The following HSP90AA1 variants were observed in gnomAD, a reference collection of about 807,000 sequenced individuals.
HSP90AA1 encodes heat shock protein HSP 90-alpha.
HSP90AA1 carries 18 observed loss-of-function variants against 73.3 expected under a neutral mutation model. The ratio of observed to expected loss-of-function variants is 0.25; its 90% CI spans 0.17 to 0.36. HSP90AA1 has a LOEUF of 0.36. Among genes scored for constraint, HSP90AA1 ranks in the 10% least tolerant of loss-of-function variants. HSP90AA1 has a pLI of 1.00. For synonymous variants in HSP90AA1, 477 were observed against 296.9 expected (o/e 1.61, Z -6.24); for missense variants, 704 against 874.2 (o/e 0.81, Z 2.45).
chr14:102,136,938 G>T (rs2050007084), intron 1 of HSP90AA1, among the ~76,000 whole-genome samples: 1 of 151,850 alleles, frequency 6.6e-6, no homozygotes, highest in African/African-American at 2.4e-5. Flanking sequence ...TTGAGGCCGG[G>T]CGCGGTGGCT....
At chr14:102,105,958 C>G (rs572173041) in intron 1 of HSP90AA1, among the ~76,000 whole-genome samples, 8 of 152,222 alleles carry the variant, frequency 5.3e-5, no homozygotes, top group African/African-American at 1.9e-4. Flanking sequence ...CGCCTGTAAT[C>G]CCAGCTGCTC....
At chr14:102,087,153 C>G, upstream of HSP90AA1, 1 of 983,966 alleles carries the variant, frequency 1.0e-6, no homozygotes, top group Non-Finnish European at 1.2e-6. Context: ...CAGCCGCCGC[C>G]GCGGCCGCGC....
At chr14:102,085,571 G>A in intron 3 of HSP90AA1, 140 bp from the exon 4 acceptor site, 9 of 1,189,112 alleles carry the variant, frequency 7.6e-6, no homozygotes, top group South Asian at 1.3e-5. Context: ...AACCTTTTGG[G>A]CAAGGTGCCT....
chr14:102,109,762 G>A (rs1357964862), intron 1 of HSP90AA1, among the ~76,000 whole-genome samples: 1 of 152,196 alleles, frequency 6.6e-6, no homozygotes, highest in African/African-American at 2.4e-5. Context: ...GGTTAGAACA[G>A]TTTGGAGGGC....
At chr14:102,117,425 A>C (rs900797866) in intron 1 of HSP90AA1, among the ~76,000 whole-genome samples, 6 of 150,394 alleles carry the variant, frequency 4.0e-5, no homozygotes, top group Non-Finnish European at 8.9e-5. Flanking sequence ...ATAAAAGCCC[A>C]GGACTCAGCC....
upstream of HSP90AA1, chr14:102,087,057 C>T (rs948914951): frequency 2.0e-6 from 2 of 985,342 alleles, no homozygotes; most frequent in Admixed American, 1.2e-4. Context: ...CGCGCCACCC[C>T]CGCGCCTGCC....
chr14:102,101,475 G>A (rs1274628103), intron 2 of HSP90AA1, among the ~76,000 whole-genome samples: 2 of 152,070 alleles, frequency 1.3e-5, no homozygotes, highest in Non-Finnish European at 2.9e-5. Context: ...GCTTCTTCAC[G>A]CCCCTCCTGC....
At chr14:102,085,195 C>T in intron 4 of HSP90AA1, 103 bp downstream of exon 4, 1 of 1,436,690 alleles carries the variant, frequency 7.0e-7, no homozygotes, top group Non-Finnish European at 9.8e-7. Context: ...TTAGGTTCCC[C>T]AGGCTTCAGA....
chr14:102,086,367 T>C lies in HSP90AA1; in HGVS notation c.12A>G (p.Glu4=). Reference sequence around the variant, plus strand: ...CCATCGGTTGGTCTTGGGTCTGGGTTTCCTCAGGCATCTGGAACGACACCG... The same window carrying C: ...CCATCGGTTGGTCTTGGGTCTGGGTCTCCTCAGGCATCTGGAACGACACCG... MPE[E]TQTQDQPMEE... Residue 4 remains glutamate (E), a synonymous_variant, in exon 2 of 11, where the codon GAA becomes GAG. Coordinates refer to ENST00000216281, the MANE Select transcript of HSP90AA1 (RefSeq NM_005348.4). The C allele has an allele frequency of 6.2e-7, 1 of 1,614,182 alleles. No homozygotes were observed. The highest frequency in any genetic ancestry group is 8.5e-7 in the Non-Finnish European group (1 of 1,180,018).
At position 102,081,731 on chromosome 14, in the gene HSP90AA1, C is replaced by T. The variant is rs778338593; in HGVS notation, c.2180G>A (p.Arg727His). The change falls in exon 11 of 11, where the codon CGC (arginine) becomes CAC (histidine). Residue 727 changes from arginine to histidine, a missense_variant. Transcript: ENST00000216281. ...PPLEGDDDTS[R>H]MEEVD ...CAGAGATTAGTCTACTTCTTCCATG[C>T]GTGATGTGTCGTCATCTCCTTCAAG... is the stretch of plus-strand genomic sequence containing the variant. The T allele has an allele frequency of 1.8e-5, 28 of 1,536,868 alleles. No homozygotes were observed. The highest frequency in any genetic ancestry group is 5.6e-5 in the South Asian group (5 of 89,568).
In HSP90AA1 at chr14:102,100,926, G is replaced by A. The variant is rs74871775; in HGVS notation, c.366+949C>T. 6.3e-3 allele frequency among the ~76,000 whole-genome samples: 965 copies of A among 152,246 alleles called. 10 individuals carry two copies. The highest frequency in any genetic ancestry group is 0.022 in the African/African-American group (920 of 41,550). On this transcript the variant is annotated intron_variant, in intron 2 of 11. Transcript: ENST00000334701. Reference sequence around the variant, plus strand: ...AAAGACGTATAAACTCTGACATGGCGGGACGGGCTCTAATGAAATTCCTGT... The same window carrying A: ...AAAGACGTATAAACTCTGACATGGCAGGACGGGCTCTAATGAAATTCCTGT...
At chr14:102,126,593 C>T (rs926266924) in intron 1 of HSP90AA1, among the ~76,000 whole-genome samples, 5 of 151,992 alleles carry the variant, frequency 3.3e-5, no homozygotes, top group Admixed American at 2.0e-4. Flanking sequence ...GGCGCAACCA[C>T]GACTCACTGC....
intron 1 of HSP90AA1, among the ~76,000 whole-genome samples, chr14:102,114,345 AT>A (rs2152622642): frequency 6.6e-6 from 1 of 152,248 alleles, no homozygotes; most frequent in South Asian, 2.1e-4. Context: ...CTTTTCTCAG[AT>A]GTATGATAAT....
At chr14:102,117,308 A>G (rs757755856) in intron 1 of HSP90AA1, among the ~76,000 whole-genome samples, 2 of 152,116 alleles carry the variant, frequency 1.3e-5, no homozygotes, top group Non-Finnish European at 2.9e-5. Flanking sequence ...GCTGGGGGCC[A>G]GGTTGCCAGT....
At chr14:102,085,168 G>C (rs1470492537) in intron 4 of HSP90AA1, 130 bp downstream of exon 4, 56 of 1,428,604 alleles carry the variant, frequency 3.9e-5, no homozygotes, top group Non-Finnish European at 5.4e-5. Flanking sequence ...AACTTTTACA[G>C]AGTTAGGTAG....
At chr14:102,122,021 C>T (rs1440738529) in intron 1 of HSP90AA1, among the ~76,000 whole-genome samples, 1 of 152,088 alleles carries the variant, frequency 6.6e-6, no homozygotes, top group African/African-American at 2.4e-5. Context: ...AAAAGCTTTC[C>T]TCACTTCAAG....
In HSP90AA1 at chr14:102,081,688, G is replaced by C; in HGVS notation, c.*24C>G. On this transcript the variant is annotated 3_prime_UTR_variant, in exon 11 of 11. Coordinates refer to ENST00000216281, the MANE Select transcript of HSP90AA1 (RefSeq NM_005348.4). ...CAGAGGAATTGTAGAGTACTGAACA[G>C]GTAAGTCATCCCTCAGCCAGAGATT... 1.1e-6 allele frequency: 1 copy of C among 934,432 alleles called. No individual in the cohort carries two copies. The highest frequency in any genetic ancestry group is 1.8e-6 in the Non-Finnish European group (1 of 558,820). The allele number at this position is 934,432 out of a possible 1,614,324, so 57.9% of individuals were successfully genotyped here.
upstream of HSP90AA1, among the ~76,000 whole-genome samples, chr14:102,090,864 T>C (rs2049348060): frequency 6.6e-6 from 1 of 152,220 alleles, no homozygotes; most frequent in Non-Finnish European, 1.5e-5. Flanking sequence ...ATTTTCCTCC[T>C]CTATTTGAAA....
At chr14:102,105,473 G>T (rs1054521160) in intron 1 of HSP90AA1, among the ~76,000 whole-genome samples, 1 of 152,136 alleles carries the variant, frequency 6.6e-6, no homozygotes, top group Non-Finnish European at 1.5e-5. Flanking sequence ...GAACAACCTG[G>T]GTCAGAGTGG....
Sources: gnomAD v4.1 joint callset for allele counts (sites outside exome capture counted in the v4.1 genomes callset) on GRCh38, gnomAD v4.1.1 for gene constraint, MANE v1.5 for transcripts, NCBI Gene and HGNC (gene_info 2026-07-23, HGNC 2026-07-21) for gene names.